The following TENM2 variants were observed in gnomAD, a reference collection of about 807,000 sequenced individuals.
TENM2 encodes the protein teneurin-2.
In TENM2, 52 loss-of-function variants were observed where a neutral mutation model predicts 245.2. The observed-to-expected ratio is 0.21, with a 90% confidence interval of 0.17 to 0.27. TENM2 has a LOEUF of 0.27. Among genes scored for constraint, TENM2 ranks in the 10% least tolerant of loss-of-function variants. The pLI is 1.00. For missense variants in TENM2, 3,046 were observed against 3,666.8 expected, an observed-to-expected ratio of 0.83 and a Z score of 4.37; for synonymous variants, 1,363 against 1,438.9, an observed-to-expected ratio of 0.95 and a Z score of 1.19.
At chr5:167,683,249 C>CTTTTTTTTTTTTT (rs1554100261) in intron 2 of TENM2, among the ~76,000 whole-genome samples, 1 of 67,364 alleles carries the variant, frequency 1.5e-5, no homozygotes. Flanking sequence ...AGGACCATGT[C>CTTTTTTTTTTTTT]TTTTTTTTTT....
At chr5:167,464,244 TAGAG>T (rs373765222) in intron 2 of TENM2, among the ~76,000 whole-genome samples, 6 of 150,726 alleles carry the variant, frequency 4.0e-5, no homozygotes, top group Non-Finnish European at 5.9e-5. Context: ...AAAGATGCTT[TAGAG>T]AGAGAGAGAG....
At chr5:168,096,539 C>T (rs1327847207) in intron 8 of TENM2, among the ~76,000 whole-genome samples, 1 of 152,174 alleles carries the variant, frequency 6.6e-6, no homozygotes, top group Non-Finnish European at 1.5e-5. Context: ...AAACCAACTA[C>T]AGTGTGGTTC....
At chr5:167,140,142 T>TA in the TENM2 span, among the ~76,000 whole-genome samples, 3 of 152,244 alleles carry the variant, frequency 2.0e-5, no homozygotes, top group African/African-American at 7.2e-5. Context: ...TACTGTTTTT[T>TA]ACTTTAAAAA....
chr5:168,250,104 G>GTGGATGGATGGA (rs57452450), intron 27 of TENM2, among the ~76,000 whole-genome samples: 6 of 137,882 alleles, frequency 4.4e-5, no homozygotes, highest in East Asian at 2.3e-4. Flanking sequence ...GGCTGGATGA[G>GTGGATGGATGGA]TGGATGGATG....
chr5:168,144,579 A>G (rs1227690517), intron 12 of TENM2, among the ~76,000 whole-genome samples: 4 of 151,236 alleles, frequency 2.6e-5, no homozygotes, highest in African/African-American at 7.4e-5. Context: ...CCAGTCTATC[A>G]TTGTTGGACA....
At chr5:167,637,577 C>T (rs1779285447) in intron 2 of TENM2, among the ~76,000 whole-genome samples, 3 of 152,110 alleles carry the variant, frequency 2.0e-5, no homozygotes, top group African/African-American at 7.2e-5. Context: ...ACCCCAATGC[C>T]CATCAATGAT....
At chr5:167,997,773 G>T (rs1562031628) in intron 5 of TENM2, among the ~76,000 whole-genome samples, 1 of 152,140 alleles carries the variant, frequency 6.6e-6, no homozygotes, top group African/African-American at 2.4e-5. Flanking sequence ...GCAAAAACAG[G>T]TGGCAGCCTG....
intron 4 of TENM2, among the ~76,000 whole-genome samples, chr5:167,991,562 C>T (rs548783328): frequency 7.9e-4 from 121 of 152,272 alleles, no homozygotes; most frequent in African/African-American, 2.9e-3. Flanking sequence ...ATGGTCCTTC[C>T]TTAAAGTGCC....
the TENM2 span, among the ~76,000 whole-genome samples, chr5:167,026,135 C>G: frequency 6.6e-6 from 1 of 152,094 alleles, no homozygotes; most frequent in Non-Finnish European, 1.5e-5. Flanking sequence ...TTTGTGTATT[C>G]TGTATCTGAG....
At chr5:168,255,851 G>T (rs1008518706) in intron 27 of TENM2, among the ~76,000 whole-genome samples, 3 of 151,766 alleles carry the variant, frequency 2.0e-5, no homozygotes, top group Admixed American at 6.6e-5. Flanking sequence ...TGTCTCCCAG[G>T]CTGGAGTGCA....
intron 13 of TENM2, among the ~76,000 whole-genome samples, chr5:168,177,814 G>C (rs1759491383): frequency 6.6e-6 from 1 of 152,194 alleles, no homozygotes; most frequent in Non-Finnish European, 1.5e-5. Context: ...TGCAGCCTGG[G>C]TAACAGCACA....
At chr5:167,625,205 T>C (rs912824843) in intron 2 of TENM2, among the ~76,000 whole-genome samples, 4 of 152,198 alleles carry the variant, frequency 2.6e-5, no homozygotes, top group Non-Finnish European at 5.9e-5. Flanking sequence ...TGAACAATGT[T>C]TGCAAAGCTA....
At chr5:167,120,995 C>G in the TENM2 span, among the ~76,000 whole-genome samples, 1 of 151,646 alleles carries the variant, frequency 6.6e-6, no homozygotes. Context: ...AGTCAAAGAT[C>G]TAGTTAGGAG....
At chr5:167,254,288 C>A in the TENM2 span, among the ~76,000 whole-genome samples, 3 of 152,110 alleles carry the variant, frequency 2.0e-5, no homozygotes, top group Non-Finnish European at 2.9e-5. Context: ...GGGGTTGCCT[C>A]ATTCAAAGTC....
At chr5:167,321,801 T>TTTTTGTGGG (rs67957514) in intron 1 of TENM2, among the ~76,000 whole-genome samples, 1 of 7,282 alleles carries the variant, frequency 1.4e-4, no homozygotes, top group African/African-American at 5.2e-4. Flanking sequence ...TTTTTTTTTT[T>TTTTTGTGGG]GGGGGGGGGG....
At chr5:167,312,896 T>C (rs888961585) in intron 1 of TENM2, among the ~76,000 whole-genome samples, 20 of 139,988 alleles carry the variant, frequency 1.4e-4, no homozygotes, top group Non-Finnish European at 2.7e-4. Flanking sequence ...CATGAAACCT[T>C]GACCTTGACT....
chr5:168,078,888 G>A (rs1174538497), intron 7 of TENM2, among the ~76,000 whole-genome samples: 1 of 152,098 alleles, frequency 6.6e-6, no homozygotes, highest in African/African-American at 2.4e-5. Flanking sequence ...TGTTCTTTTG[G>A]TTTAGGATTG....
intron 9 of TENM2, among the ~76,000 whole-genome samples, chr5:168,100,523 G>A (rs1288227142): frequency 6.6e-6 from 1 of 152,128 alleles, no homozygotes; most frequent in African/African-American, 2.4e-5. Flanking sequence ...AGTAAATGTG[G>A]CACATATACA....
At chr5:167,059,748 G>A in the TENM2 span, among the ~76,000 whole-genome samples, 1 of 146,702 alleles carries the variant, frequency 6.8e-6, no homozygotes, top group Non-Finnish European at 1.5e-5. Context: ...TTGTCGCCCA[G>A]GCTGGAGTGC....
Sources: gnomAD v4.1 joint callset for allele counts (sites outside exome capture counted in the v4.1 genomes callset) on GRCh38, gnomAD v4.1.1 for gene constraint, MANE v1.5 for transcripts, NCBI Gene and HGNC (gene_info 2026-07-23, HGNC 2026-07-21) for gene names.